Variants in BAZ2B observed in about 807,000 individuals in gnomAD.
The protein encoded by BAZ2B is bromodomain adjacent to zinc finger domain 2B, also known as bromodomain adjacent to zinc finger domain protein 2B.
A neutral mutation model predicts 246.0 loss-of-function variants in BAZ2B; 91 were observed. That is an observed-to-expected ratio of 0.37 (90% CI 0.31 to 0.44). The LOEUF is 0.44. Among genes scored for constraint, BAZ2B ranks in the 20% least tolerant of loss-of-function variants. The probability of loss-of-function intolerance (pLI) is 1.00; values close to 1 mark genes in which losing one functional copy is unlikely to be tolerated. For missense variants in BAZ2B, 2,332 were observed against 2,533.7 expected (o/e 0.92, Z 1.71); for synonymous variants, 855 against 860.0 (o/e 0.99, Z 0.10).
At chr2:159,519,968 C>G (rs2083951228) in intron 2 of BAZ2B, among the ~76,000 whole-genome samples, 1 of 151,710 alleles carries the variant, frequency 6.6e-6, no homozygotes, top group Non-Finnish European at 1.5e-5. Flanking sequence ...ATAAATGTGA[C>G]TCTGTCTTCA....
In BAZ2B at chr2:159,431,150, T is replaced by C. The variant is rs763785582; in HGVS notation, c.1907A>G (p.Asp636Gly). Residue 636 changes from aspartate (D) to glycine (G), a missense_variant, in exon 10 of 37, where the codon GAT becomes GGT. By Grantham distance (94) the Asp-to-Gly change is moderately conservative. This residue lies in a region of BAZ2B where 651 missense variants were observed against 650.9 expected (regional missense o/e 1.00). Transcript: ENST00000392783. ...DESDDSQSESDSNSESDTEGS... is the reference protein window; with the variant it reads ...DESDDSQSESGSNSESDTEGS... Reference sequence around the variant, plus strand: ...TTCTGTATCTGATTCTGAATTACTATCTGATTCTGGGAAGTAAAAGAAGCA... The same window carrying C: ...TTCTGTATCTGATTCTGAATTACTACCTGATTCTGGGAAGTAAAAGAAGCA... 2 of 1,603,078 alleles carry C rather than the reference T, an allele frequency of 1.2e-6. No individual in the cohort carries two copies. Among genetic ancestry groups the C allele is most frequent in the South Asian group, 2.2e-5 (2 of 89,644 alleles).
At chr2:159,651,424 A>G in the BAZ2B span, among the ~76,000 whole-genome samples, 1 of 152,064 alleles carries the variant, frequency 6.6e-6, no homozygotes, top group South Asian at 2.1e-4. Flanking sequence ...TTAGTGAAAA[A>G]ACCTTGTATA....
intron 6 of BAZ2B, chr2:159,443,990 G>T (rs2073874173): frequency 2.0e-5 from 3 of 151,972 alleles, no homozygotes; most frequent in Admixed American, 2.0e-4. Flanking sequence ...GATAGCATAA[G>T]GGTTAAAAGC....
At chr2:159,508,438 T>A (rs1216480264) in intron 2 of BAZ2B, among the ~76,000 whole-genome samples, 12 of 152,232 alleles carry the variant, frequency 7.9e-5, no homozygotes, top group Admixed American at 2.0e-4. Flanking sequence ...TACAATTATA[T>A]GCTCTATAGA....
rs192402827 is a variant in BAZ2B at position 159,367,351 on chromosome 2, T to C, written c.4213+5694A>G. On this transcript the variant is annotated intron_variant, in intron 27 of 36. Coordinates refer to ENST00000392783, the MANE Select transcript of BAZ2B (RefSeq NM_013450.4). ...CTGAAGTTATCATCACCAATAAACA[T>C]TATTGTTATTAGCACTGTGTGTAAT... is the stretch of plus-strand genomic sequence containing the variant. Among the ~76,000 whole-genome samples, 837 of 152,216 alleles carry C rather than the reference T, an allele frequency of 5.5e-3. 15 individuals are homozygous for C. Among genetic ancestry groups the C allele is most frequent in the South Asian group, 0.051 (248 of 4,826 alleles).
At chr2:159,607,127 T>G (rs1019572371) in intron 1 of BAZ2B, among the ~76,000 whole-genome samples, 4 of 152,180 alleles carry the variant, frequency 2.6e-5, no homozygotes, top group African/African-American at 9.7e-5. Flanking sequence ...AGTGCTGGGA[T>G]TACAGGCATG....
At chr2:159,562,792 G>GT (rs964353215) in intron 1 of BAZ2B, among the ~76,000 whole-genome samples, 1 of 152,072 alleles carries the variant, frequency 6.6e-6, no homozygotes, top group African/African-American at 2.4e-5. Flanking sequence ...GAAATTTTTA[G>GT]TTTTTTATAC....
chr2:159,350,813 T>C (rs1215479558), intron 27 of BAZ2B, among the ~76,000 whole-genome samples: 1 of 151,810 alleles, frequency 6.6e-6, no homozygotes, highest in East Asian at 1.9e-4. Flanking sequence ...GGTCAGGCAA[T>C]CCACCTGCCT....
chr2:159,709,219 C>T, the BAZ2B span, among the ~76,000 whole-genome samples: 4 of 149,664 alleles, frequency 2.7e-5, no homozygotes, highest in African/African-American at 4.9e-5. Context: ...ACTGGGAGGC[C>T]GAGGCAGGCA....
chr2:159,413,448 C>G (rs1461879029), intron 13 of BAZ2B, among the ~76,000 whole-genome samples: 1 of 152,176 alleles, frequency 6.6e-6, no homozygotes, highest in East Asian at 1.9e-4. Context: ...GGCTCACGAC[C>G]TGTAATCCCA....
intron 1 of BAZ2B, among the ~76,000 whole-genome samples, chr2:159,587,585 C>T (rs1307973042): frequency 6.6e-6 from 1 of 152,180 alleles, no homozygotes; most frequent in East Asian, 1.9e-4. Context: ...AGGCCCAGTG[C>T]TGTGTTGTAA....
intron 27 of BAZ2B, among the ~76,000 whole-genome samples, chr2:159,359,288 C>A (rs2149265049): frequency 6.6e-6 from 1 of 152,224 alleles, no homozygotes; most frequent in Admixed American, 6.5e-5. Flanking sequence ...ACCACTGATC[C>A]CACAGAAATA....
intron 1 of BAZ2B, among the ~76,000 whole-genome samples, chr2:159,565,433 A>G (rs932103696): frequency 6.6e-6 from 1 of 152,162 alleles, no homozygotes; most frequent in Non-Finnish European, 1.5e-5. Flanking sequence ...TAGAGAGAGA[A>G]AAAATGATGG....
intron 1 of BAZ2B, among the ~76,000 whole-genome samples, chr2:159,570,364 T>C (rs1455035729): frequency 6.6e-6 from 1 of 152,082 alleles, no homozygotes; most frequent in Non-Finnish European, 1.5e-5. Context: ...TTTGTATTTT[T>C]AGTAGAGACA....
intron 31 of BAZ2B, among the ~76,000 whole-genome samples, chr2:159,340,219 TG>T (rs1301405323): frequency 1.4e-5 from 2 of 147,244 alleles, no homozygotes; most frequent in Non-Finnish European, 3.0e-5. Flanking sequence ...GACCAAGGGG[TG>T]GGGGGAAAGA....
In BAZ2B at chr2:159,336,944, C is replaced by T; in HGVS notation, c.5794G>A (p.Val1932Ile). 1 of 1,598,112 alleles carries T rather than the reference C, an allele frequency of 6.3e-7. No individual in the cohort carries two copies. Among genetic ancestry groups the T allele is most frequent in the Non-Finnish European group, 8.5e-7 (1 of 1,169,810 alleles). Reference protein sequence around the residue: ...SIAWEKSIMKVYCQICRKGDN... With the variant: ...SIAWEKSIMKIYCQICRKGDN... ...ATTTCTTAAATAAAAACACTTACAA[C>T]TTTCATAATTGATTTTTCCCATGCT... is the stretch of plus-strand genomic sequence containing the variant. The change falls in exon 33 of 37, where the codon GTT (valine) becomes ATT (isoleucine). Residue 1932 changes from valine to isoleucine, a missense_variant and splice_region_variant. Val to Ile is a conservative substitution (Grantham distance 29). Transcript: ENST00000392783.
At chr2:159,572,953 G>T (rs1684383708) in intron 1 of BAZ2B, among the ~76,000 whole-genome samples, 1 of 152,218 alleles carries the variant, frequency 6.6e-6, no homozygotes, top group South Asian at 2.1e-4. Flanking sequence ...AGATTAACAG[G>T]GTGCTTAGAA....
the BAZ2B span, among the ~76,000 whole-genome samples, chr2:159,628,395 C>T: frequency 2.6e-5 from 4 of 152,182 alleles, no homozygotes; most frequent in African/African-American, 7.2e-5. Context: ...AAGCTGTAGG[C>T]GTCACGCTAC....
chr2:159,397,294 C>T (rs2064176069), intron 19 of BAZ2B, 51 bp downstream of exon 19: 2 of 1,379,536 alleles, frequency 1.4e-6, no homozygotes, highest in Admixed American at 2.2e-5. Flanking sequence ...TAGGTTTAAG[C>T]AATATTATAA....
Sources: gnomAD v4.1 joint callset for allele counts (sites outside exome capture counted in the v4.1 genomes callset) on GRCh38, gnomAD v4.1.1 for gene constraint, gnomAD v4.1.1 regional missense constraint, MANE v1.5 for transcripts, NCBI Gene and HGNC (gene_info 2026-07-23, HGNC 2026-07-21) for gene names.